The following NMNAT3 variants were observed in gnomAD, a reference collection of about 807,000 sequenced individuals.
NMNAT3 encodes the protein nicotinamide nucleotide adenylyltransferase 3.
Under a neutral mutation model 24.8 loss-of-function variants are expected in NMNAT3, and 21 were observed. The observed-to-expected ratio is 0.85, with a 90% CI of 0.60 to 1.22. NMNAT3 has a LOEUF of 1.22. Ranked by LOEUF, NMNAT3 falls within the 50% of genes most tolerant of loss-of-function variation. The pLI, the probability that NMNAT3 is intolerant of heterozygous loss-of-function variation, is 0.00. For synonymous variants in NMNAT3, 136 were observed against 155.2 expected (o/e 0.88, Z 0.92); for missense variants, 387 against 436.6 (o/e 0.89, Z 1.01).
chr3:139,608,623 A>G (rs1001194574), intron 3 of NMNAT3, among the ~76,000 whole-genome samples: 1 of 152,142 alleles, frequency 6.6e-6, no homozygotes, highest in Admixed American at 6.5e-5. Flanking sequence ...TATCCCGTGT[A>G]CCCCTTACCT....
chr3:139,610,345 A>G (rs1428993706), intron 3 of NMNAT3, among the ~76,000 whole-genome samples: 1 of 152,234 alleles, frequency 6.6e-6, no homozygotes, highest in Non-Finnish European at 1.5e-5. Flanking sequence ...CATATTAAAA[A>G]GAAGGAAAAT....
At chr3:139,640,845 A>G (rs1226980197) in intron 1 of NMNAT3, among the ~76,000 whole-genome samples, 1 of 152,252 alleles carries the variant, frequency 6.6e-6, no homozygotes, top group African/African-American at 2.4e-5. Flanking sequence ...TGCCATGGTG[A>G]TAAGCAGATA....
rs1936281613 is a variant in NMNAT3, at chr3:139,560,837, C to A, written c.*173G>T. ...CCTTGTGATTTAGACCTTTCCTCTC[C>A]TGTAAAGAAGGTATCTCTTCCTGGG... On this transcript the variant is annotated 3_prime_UTR_variant, in exon 7 of 7. Coordinates refer to ENST00000643695, the MANE Select transcript of NMNAT3 (RefSeq NM_001320510.2). 1.6e-6 allele frequency: 1 copy of A among 634,456 alleles called. No individual in the cohort carries two copies. Among genetic ancestry groups the A allele is most frequent in the African/African-American group, 1.8e-5 (1 of 54,816 alleles). 39.3% of individuals were successfully genotyped at this position (634,456 alleles called of 1,614,324 possible).
Position 139,582,543 on chromosome 3 carries a change from G to C in NMNAT3, c.391+384C>G, listed in dbSNP as rs570420943. ...TGTAATCCCAGCTACTTGGGAGGCT[G>C]AGGTGGGTGGATCACTTGAACCCAG... On this transcript the variant is annotated intron_variant, in intron 4 of 6. Coordinates refer to ENST00000643695, the MANE Select transcript of NMNAT3 (RefSeq NM_001320510.2). Among the ~76,000 whole-genome samples the C allele has an allele frequency of 2.7e-5, 4 of 147,302 alleles. No individual in the cohort carries two copies. The East Asian group carries it at 8.6e-4, about 31-fold the overall frequency.
intron 3 of NMNAT3, among the ~76,000 whole-genome samples, chr3:139,627,362 C>T (rs775302051): frequency 5.9e-5 from 9 of 151,962 alleles, no homozygotes; most frequent in African/African-American, 1.2e-4. Context: ...GGCCTGTTGT[C>T]GTTCATTGCC....
chr3:139,596,665 T>C (rs1173234881), intron 3 of NMNAT3, among the ~76,000 whole-genome samples: 1 of 151,912 alleles, frequency 6.6e-6, no homozygotes, highest in Non-Finnish European at 1.5e-5. Context: ...TCTGGATACT[T>C]TTCTCAAGTT....
chr3:139,579,204 C>T (rs1238725511), intron 4 of NMNAT3, 149 bp from the exon 5 acceptor site: 1 of 662,032 alleles, frequency 1.5e-6, no homozygotes, highest in Non-Finnish European at 2.6e-6. Flanking sequence ...AAGGGTAGCT[C>T]CCTTAGGCAA....
At chr3:139,610,604 T>C (rs999961003) in intron 3 of NMNAT3, among the ~76,000 whole-genome samples, 9 of 152,230 alleles carry the variant, frequency 5.9e-5, no homozygotes, top group African/African-American at 2.2e-4. Flanking sequence ...TCACTATATT[T>C]GATTAATAAA....
At chr3:139,648,300 C>T (rs973892060) in intron 1 of NMNAT3, among the ~76,000 whole-genome samples, 1 of 152,208 alleles carries the variant, frequency 6.6e-6, no homozygotes, top group Non-Finnish European at 1.5e-5. Context: ...GCCTCCTCAG[C>T]CATGTGGAGC....
chr3:139,646,073 C>A (rs182771212), intron 1 of NMNAT3, among the ~76,000 whole-genome samples: 9 of 152,166 alleles, frequency 5.9e-5, no homozygotes, highest in Admixed American at 5.9e-4. Flanking sequence ...AGCAACTTGC[C>A]TTTGGGATGT....
chr3:139,652,633 T>C (rs759795610), intron 1 of NMNAT3, among the ~76,000 whole-genome samples: 7 of 152,204 alleles, frequency 4.6e-5, no homozygotes, highest in Non-Finnish European at 8.8e-5. Context: ...GTGAGGACTT[T>C]ACTACATTGA....
chr3:139,616,788 A>G (rs1402345297), intron 3 of NMNAT3, among the ~76,000 whole-genome samples: 1 of 152,008 alleles, frequency 6.6e-6, no homozygotes. Flanking sequence ...GTGTGTGTGT[A>G]TGTGCTGCAG....
intron 2 of NMNAT3, 58 bp downstream of exon 2, chr3:139,637,904 AG>A (rs2056560225): frequency 6.6e-6 from 1 of 152,198 alleles, no homozygotes; most frequent in Admixed American, 6.5e-5. Flanking sequence ...TAAATCCCTG[AG>A]GGCAGGGATC....
intron 1 of NMNAT3, among the ~76,000 whole-genome samples, chr3:139,670,890 G>A (rs2057735404): frequency 6.6e-6 from 1 of 152,176 alleles, no homozygotes; most frequent in Admixed American, 6.5e-5. Context: ...TAAAAACCCT[G>A]AGAATTCAAG....
At chr3:139,611,853 TG>T (rs1428433997) in intron 3 of NMNAT3, among the ~76,000 whole-genome samples, 1 of 152,216 alleles carries the variant, frequency 6.6e-6, no homozygotes, top group Non-Finnish European at 1.5e-5. Context: ...TGGGGGTATC[TG>T]TTGAGTCGAT....
intron 3 of NMNAT3, among the ~76,000 whole-genome samples, chr3:139,602,726 A>T (rs2054772764): frequency 6.6e-6 from 1 of 152,242 alleles, no homozygotes; most frequent in Admixed American, 6.5e-5. Context: ...CTACTTTTCT[A>T]TAATGATCAA....
chr3:139,668,477 T>C (rs2108448003), intron 1 of NMNAT3, among the ~76,000 whole-genome samples: 1 of 152,262 alleles, frequency 6.6e-6, no homozygotes, highest in African/African-American at 2.4e-5. Flanking sequence ...AAAATGCACA[T>C]GATAGAAGGA....
rs114690404 is a variant in NMNAT3 at position 139,611,517 on chromosome 3, T to C, written c.109+16099A>G. Among the ~76,000 whole-genome samples, 372 of 152,356 alleles carry C rather than the reference T, an allele frequency of 2.4e-3. 2 individuals are homozygous for C. Among genetic ancestry groups the C allele is most frequent in the African/African-American group, 8.4e-3 (350 of 41,576 alleles). On this transcript the variant is annotated intron_variant, in intron 3 of 6. Transcript: ENST00000643695. ...TGACACCAAAATTTGACTCCAAACC[T>C]AGTGATCTCTTTCTGTGACACCATG...
At position 139,561,110 on chromosome 3, in the gene NMNAT3, G is replaced by T; in HGVS notation, c.941C>A (p.Pro314His). 3.7e-6 allele frequency: 6 copies of T among 1,614,114 alleles called. No individual in the cohort carries two copies. Among genetic ancestry groups the T allele is most frequent in the Non-Finnish European group, 5.1e-6 (6 of 1,180,018 alleles). ...CTTGATGTACGTGATGACAGCATCG[G>T]GAATCAGGTACTTTACGCTCTGCCC... is the stretch of plus-strand genomic sequence containing the variant. Residue 314 changes from proline (P) to histidine (H), a missense_variant, in exon 7 of 7, where the codon CCC (proline) becomes CAC (histidine). Around this residue, in one of 3 missense-constraint regions of NMNAT3, gnomAD observed 323 missense variants for 345.2 expected, o/e 0.94. Transcript: ENST00000643695.
Sources: gnomAD v4.1 joint callset for allele counts (sites outside exome capture counted in the v4.1 genomes callset) on GRCh38, gnomAD v4.1.1 for gene constraint, gnomAD v4.1.1 regional missense constraint, MANE v1.5 for transcripts, NCBI Gene and HGNC (gene_info 2026-07-23, HGNC 2026-07-21) for gene names.